Variants in SNTB2 observed in about 807,000 individuals in gnomAD.
The protein encoded by SNTB2 is syntrophin beta 2, also known as beta-2-syntrophin.
Under a neutral mutation model 46.2 loss-of-function variants are expected in SNTB2, and 34 were observed. The ratio of observed to expected loss-of-function variants is 0.74; its 90% CI spans 0.56 to 0.98. The LOEUF is 0.98. Ranked by LOEUF, SNTB2 falls within the 50% of genes least tolerant of loss-of-function variation. The pLI is 0.00. For synonymous variants in SNTB2, 290 were observed against 312.6 expected (o/e 0.93, Z 0.76); for missense variants, 603 against 731.4 (o/e 0.82, Z 2.02).
chr16:69,264,974 G>C (rs1200931988), intron 3 of SNTB2, among the ~76,000 whole-genome samples: 5 of 152,208 alleles, frequency 3.3e-5, no homozygotes, highest in Non-Finnish European at 5.9e-5. Context: ...TATTGGCCGG[G>C]CACGGTGGCT....
chr16:69,262,634 G>C (rs185965235), intron 3 of SNTB2, among the ~76,000 whole-genome samples: 40 of 151,906 alleles, frequency 2.6e-4, no homozygotes, highest in African/African-American at 9.2e-4. Flanking sequence ...TATCATTCTT[G>C]TGGTAAAAAC....
At chr16:69,299,411 G>A (rs1597206271) in intron 5 of SNTB2, among the ~76,000 whole-genome samples, 179 bp from the exon 6 acceptor site, 1 of 152,168 alleles carries the variant, frequency 6.6e-6, no homozygotes, top group East Asian at 1.9e-4. Flanking sequence ...AAAGTGCTGG[G>A]ATTACAGGCG....
intron 1 of SNTB2, among the ~76,000 whole-genome samples, chr16:69,242,937 C>T (rs1214348541): frequency 2.0e-5 from 3 of 148,912 alleles, no homozygotes; most frequent in Non-Finnish European, 3.0e-5. Context: ...AGGAGAATGG[C>T]GTGAACCCAG....
intron 5 of SNTB2, among the ~76,000 whole-genome samples, chr16:69,289,616 C>T (rs1287420042): frequency 1.3e-5 from 2 of 151,842 alleles, no homozygotes; most frequent in African/African-American, 4.8e-5. Flanking sequence ...TCGCATGTAC[C>T]CCTAAGATAT....
rs1299061483 is a variant in SNTB2, at chr16:69,187,758, C to T, written c.580+12C>T. ...GGTGCTGCTGGAGGGTGAGCGGGGC[C>T]GGGCGGGAGGGTGGGCAGGCCGCGG... On this transcript the variant is annotated intron_variant, in intron 1 of 6. Transcript: ENST00000336278. 2 of 153,298 alleles carry T rather than the reference C, an allele frequency of 1.3e-5. No individual in the cohort carries two copies. Among genetic ancestry groups the T allele is most frequent in the African/African-American group, 8.0e-5 (1 of 12,556 alleles). 9.5% of individuals were successfully genotyped at this position (153,298 alleles called of 1,614,324 possible).
intron 4 of SNTB2, among the ~76,000 whole-genome samples, chr16:69,272,833 T>A (rs1964951113): frequency 7.2e-6 from 1 of 139,692 alleles, no homozygotes; most frequent in Non-Finnish European, 1.5e-5. Flanking sequence ...GAGGTTGCAG[T>A]GAACTGATAT....
intron 1 of SNTB2, among the ~76,000 whole-genome samples, chr16:69,238,138 G>T (rs2152295915): frequency 6.6e-6 from 1 of 152,192 alleles, no homozygotes; most frequent in East Asian, 1.9e-4. Flanking sequence ...GGTTTTTGTT[G>T]GGTTTGGCCA....
intron 1 of SNTB2, among the ~76,000 whole-genome samples, chr16:69,219,556 A>G (rs930728842): frequency 1.3e-5 from 2 of 152,186 alleles, no homozygotes; most frequent in Non-Finnish European, 2.9e-5. Context: ...AGTCCATGCT[A>G]TGAGTCAGTA....
intron 1 of SNTB2, among the ~76,000 whole-genome samples, chr16:69,204,864 C>T (rs898374031): frequency 6.6e-6 from 1 of 152,128 alleles, no homozygotes; most frequent in African/African-American, 2.4e-5. Flanking sequence ...GCTAGTTTAA[C>T]CACTGGTGAA....
chr16:69,187,488 G>T lies in SNTB2; in HGVS notation c.322G>T (p.Gly108Cys). The T allele has an allele frequency of 8.1e-7, 1 of 1,240,878 alleles. No homozygotes were observed. 76.9% of individuals were successfully genotyped at this position (1,240,878 alleles called of 1,614,324 possible). The change falls in exon 1 of 7, where the codon GGC becomes TGC. Residue 108 changes from glycine to cysteine, a missense_variant. Gly to Cys is a radical substitution (Grantham distance 159). This residue lies in a region of SNTB2 where 537 missense variants were observed against 692.4 expected (regional missense o/e 0.78). Transcript: ENST00000336278. ...GCCTCGGGGCCCCGCGGGTGAGGCG[G>T]GCGCGTCGCCGCCCGTGCGCCGGGT... ...APPRGPAGEAGASPPVRRVRV... is the reference protein window; with the variant it reads ...APPRGPAGEACASPPVRRVRV...
intron 4 of SNTB2, among the ~76,000 whole-genome samples, chr16:69,271,610 A>G (rs1032989544): frequency 2.6e-5 from 4 of 152,152 alleles, no homozygotes; most frequent in African/African-American, 9.7e-5. Flanking sequence ...AAAATATGTA[A>G]CCATGTCTTA....
At chr16:69,222,646 C>A (rs536358878) in intron 1 of SNTB2, among the ~76,000 whole-genome samples, 1 of 151,388 alleles carries the variant, frequency 6.6e-6, no homozygotes, top group South Asian at 2.1e-4. Context: ...GATAAAAATT[C>A]TATGTATGAT....
At chr16:69,233,087 A>T (rs574728217) in intron 1 of SNTB2, among the ~76,000 whole-genome samples, 7 of 152,308 alleles carry the variant, frequency 4.6e-5, no homozygotes, top group Admixed American at 3.9e-4. Flanking sequence ...CCTAAATCAC[A>T]TCTTAGAAAT....
At chr16:69,187,819 C>T (rs1371210389) in intron 1 of SNTB2, 73 bp downstream of exon 1, 4 of 1,241,998 alleles carry the variant, frequency 3.2e-6, no homozygotes, top group African/African-American at 3.2e-5. Context: ...TTGTTCCTGC[C>T]CCGCCGGCGG....
chr16:69,274,652 C>CAAA (rs758148568), intron 4 of SNTB2, among the ~76,000 whole-genome samples: 2 of 66,762 alleles, frequency 3.0e-5, no homozygotes, highest in Non-Finnish European at 3.1e-5. Context: ...GACTCCATCT[C>CAAA]AAAAAAAAAA....
chr16:69,290,084 A>G (rs1207684734), intron 5 of SNTB2, among the ~76,000 whole-genome samples: 1 of 152,210 alleles, frequency 6.6e-6, no homozygotes, highest in Non-Finnish European at 1.5e-5. Flanking sequence ...AGTAAATTCA[A>G]TACATAATCT....
At chr16:69,280,802 CTTT>C (rs35066494) in intron 4 of SNTB2, among the ~76,000 whole-genome samples, 1 of 146,302 alleles carries the variant, frequency 6.8e-6, no homozygotes, top group Non-Finnish European at 1.5e-5. Flanking sequence ...TTCATTCTCT[CTTT>C]TTTTTTTTTT....
At chr16:69,283,087 A>G (rs153049) in intron 4 of SNTB2, among the ~76,000 whole-genome samples, 141,426 of 152,202 alleles carry the variant, frequency 0.93, 65,825 homozygotes, top group East Asian at 1. Flanking sequence ...GGGACCACAG[A>G]TGCACACCAC....
intron 2 of SNTB2, among the ~76,000 whole-genome samples, chr16:69,258,370 T>C (rs1964798740): frequency 6.6e-6 from 1 of 152,138 alleles, no homozygotes; most frequent in African/African-American, 2.4e-5. Context: ...CAATATTCAA[T>C]AGATTGCTTT....
Sources: gnomAD v4.1 joint callset for allele counts (sites outside exome capture counted in the v4.1 genomes callset) on GRCh38, gnomAD v4.1.1 for gene constraint, gnomAD v4.1.1 regional missense constraint, MANE v1.5 for transcripts, NCBI Gene and HGNC (gene_info 2026-07-23, HGNC 2026-07-21) for gene names.